CSMD1: variants seen among roughly 807,000 people sequenced by gnomAD.
The protein encoded by CSMD1 is CUB and sushi domain-containing protein 1.
In CSMD1, 213 loss-of-function variants were observed where a neutral mutation model predicts 417.5. The ratio of observed to expected loss-of-function variants is 0.51; its 90% CI spans 0.46 to 0.57. The LOEUF is 0.57. CSMD1 is among the 20% of genes least tolerant of loss of function. The probability of loss-of-function intolerance (pLI) is 0.00; values close to 1 mark genes in which losing one functional copy is unlikely to be tolerated. For missense variants in CSMD1, 6,923 were observed against 4,529.7 expected, an observed-to-expected ratio of 1.53 and a Z score of -15.17; for synonymous variants, 2,862 against 1,736.8, an observed-to-expected ratio of 1.65 and a Z score of -16.11.
intron 1 of CSMD1, among the ~76,000 whole-genome samples, chr8:4,697,274 G>T (rs554282420): frequency 1.3e-5 from 2 of 152,060 alleles, no homozygotes; most frequent in Non-Finnish European, 2.9e-5. Flanking sequence ...CATATAGCAA[G>T]ACAAGATGAA....
chr8:4,268,108 C>G (rs1009677264), intron 3 of CSMD1, among the ~76,000 whole-genome samples: 1 of 152,058 alleles, frequency 6.6e-6, no homozygotes, highest in Non-Finnish European at 1.5e-5. Flanking sequence ...AAAACCTAAT[C>G]CAAGAATATT....
intron 2 of CSMD1, among the ~76,000 whole-genome samples, chr8:4,439,676 T>C (rs1282874787): frequency 1.3e-5 from 2 of 152,250 alleles, no homozygotes; most frequent in East Asian, 1.9e-4. Flanking sequence ...ACTATGAAAA[T>C]GTGTGCTTAT....
intron 5 of CSMD1, among the ~76,000 whole-genome samples, chr8:3,834,188 G>T (rs917284548): frequency 1.3e-5 from 2 of 151,934 alleles, no homozygotes; most frequent in Non-Finnish European, 2.9e-5. Context: ...TCTATCAACA[G>T]TTATTTTAAA....
intron 7 of CSMD1, among the ~76,000 whole-genome samples, chr8:3,632,894 C>G (rs1796853864): frequency 1.3e-5 from 2 of 152,188 alleles, no homozygotes; most frequent in African/African-American, 2.4e-5. Context: ...CTGAGAATGG[C>G]AGACAACAAA....
intron 3 of CSMD1, among the ~76,000 whole-genome samples, chr8:4,062,143 A>G (rs145854619): frequency 1.3e-5 from 2 of 152,176 alleles, no homozygotes; most frequent in East Asian, 3.9e-4. Flanking sequence ...GAGGCTCATG[A>G]TATGCACTGA....
intron 2 of CSMD1, among the ~76,000 whole-genome samples, chr8:4,467,761 G>T (rs543072355): frequency 1.3e-5 from 2 of 152,244 alleles, no homozygotes; most frequent in South Asian, 4.2e-4. Context: ...AATATTTACC[G>T]TAGAAAGCAC....
intron 3 of CSMD1, among the ~76,000 whole-genome samples, chr8:4,413,378 CACAGG>C (rs1796753035): frequency 6.6e-6 from 1 of 152,142 alleles, no homozygotes. Flanking sequence ...CATTAGAAGT[CACAGG>C]TAGCACATAA....
At chr8:3,569,373 G>T (rs1484045417) in intron 10 of CSMD1, among the ~76,000 whole-genome samples, 3 of 152,164 alleles carry the variant, frequency 2.0e-5, no homozygotes, top group Non-Finnish European at 1.5e-5. Context: ...ACTGACCATG[G>T]CAGCACTTGG....
intron 1 of CSMD1, among the ~76,000 whole-genome samples, chr8:4,750,717 T>C (rs1268189883): frequency 6.6e-6 from 1 of 152,094 alleles, no homozygotes; most frequent in Non-Finnish European, 1.5e-5. Context: ...CAATAGAAAC[T>C]TGACTTTTGT....
chr8:3,710,205 G>A (rs562734133), intron 6 of CSMD1, among the ~76,000 whole-genome samples: 1 of 151,968 alleles, frequency 6.6e-6, no homozygotes, highest in Non-Finnish European at 1.5e-5. Context: ...TCCAAAAAAT[G>A]CTTCTATACA....
intron 26 of CSMD1, among the ~76,000 whole-genome samples, chr8:3,270,487 A>G (rs1801762080): frequency 6.6e-6 from 1 of 152,246 alleles, no homozygotes; most frequent in African/African-American, 2.4e-5. Context: ...AAAAATGACC[A>G]TTGAACTTCA....
chr8:3,175,939 T>C (rs1175424995), intron 37 of CSMD1, among the ~76,000 whole-genome samples: 1 of 152,188 alleles, frequency 6.6e-6, no homozygotes, highest in Admixed American at 6.5e-5. Flanking sequence ...CTCAGTGGCA[T>C]ACATTAACAC....
At chr8:4,099,534 T>G (rs1801197654) in intron 3 of CSMD1, among the ~76,000 whole-genome samples, 1 of 152,120 alleles carries the variant, frequency 6.6e-6, no homozygotes. Flanking sequence ...TATGAGCACC[T>G]TTGTGAACAA....
intron 3 of CSMD1, among the ~76,000 whole-genome samples, chr8:4,318,529 T>C (rs1799069710): frequency 6.6e-6 from 1 of 152,110 alleles, no homozygotes; most frequent in Admixed American, 6.6e-5. Context: ...GAGTAAGTAC[T>C]GATTAATAAA....
intron 1 of CSMD1, among the ~76,000 whole-genome samples, chr8:4,870,337 T>A (rs1233992212): frequency 6.6e-6 from 1 of 152,102 alleles, no homozygotes; most frequent in Admixed American, 6.5e-5. Context: ...TAGGCAACAA[T>A]CATATTTTTA....
At chr8:3,601,896 G>A (rs1332139365) in intron 8 of CSMD1, among the ~76,000 whole-genome samples, 1 of 152,124 alleles carries the variant, frequency 6.6e-6, no homozygotes, top group South Asian at 2.1e-4. Context: ...TCACAGATCT[G>A]CCCTAGAGAG....
At chr8:4,298,337 C>T (rs567016796) in intron 3 of CSMD1, among the ~76,000 whole-genome samples, 336 of 152,188 alleles carry the variant, frequency 2.2e-3, no homozygotes, top group Middle Eastern at 0.01. Flanking sequence ...CATTCAAAAA[C>T]GCTCCATGAC....
chr8:4,960,500 T>G (rs192809574), intron 1 of CSMD1, among the ~76,000 whole-genome samples: 251 of 152,294 alleles, frequency 1.6e-3, no homozygotes, highest in Non-Finnish European at 1.5e-3. Flanking sequence ...TGTTTATGAT[T>G]CTTCAAGGAA....
intron 1 of CSMD1, among the ~76,000 whole-genome samples, chr8:4,679,583 C>G (rs1017183032): frequency 6.6e-6 from 1 of 152,068 alleles, no homozygotes; most frequent in Non-Finnish European, 1.5e-5. Flanking sequence ...ATGAAAACTG[C>G]AATAAGTTCT....
Sources: allele counts gnomAD v4.1 joint callset (sites outside exome capture counted in the v4.1 genomes callset), GRCh38; gene constraint gnomAD v4.1.1; transcripts MANE v1.5; gene names NCBI Gene and HGNC (gene_info 2026-07-23, HGNC 2026-07-21).